The following BRK1 variants were observed in gnomAD, a reference collection of about 807,000 sequenced individuals.
BRK1 encodes the protein protein BRICK1.
In BRK1, 6 loss-of-function variants were observed where a neutral mutation model predicts 9.9. That is an observed-to-expected ratio of 0.60 (90% CI 0.33 to 1.19). BRK1 has a LOEUF of 1.19. Ranked by LOEUF, BRK1 falls within the 50% of genes most tolerant of loss-of-function variation. BRK1 has a pLI of 0.04. For synonymous variants in BRK1, 44 were observed against 31.9 expected (o/e 1.38, Z -1.28); for missense variants, 62 against 97.5 (o/e 0.64, Z 1.53).
intron 1 of BRK1, among the ~76,000 whole-genome samples, chr3:10,123,723 G>A (rs1437696414): frequency 3.6e-5 from 4 of 110,142 alleles, no homozygotes; most frequent in East Asian, 2.4e-4. Context: ...CTGAGCCACC[G>A]TGCCTGGCCT....
At chr3:10,117,392 T>C (rs1411296567) in intron 1 of BRK1, among the ~76,000 whole-genome samples, 1 of 143,708 alleles carries the variant, frequency 7.0e-6, no homozygotes, top group Non-Finnish European at 1.5e-5. Context: ...TTCAACAAAT[T>C]CTTTTTTTTT....
At chr3:10,124,053 G>A (rs922087460) in intron 1 of BRK1, among the ~76,000 whole-genome samples, 3 of 151,792 alleles carry the variant, frequency 2.0e-5, no homozygotes, top group Non-Finnish European at 4.4e-5. Context: ...TTCCTGTTGA[G>A]ATTATTTTCT....
chr3:10,116,064 C>T (rs1190716846), intron 1 of BRK1, among the ~76,000 whole-genome samples: 1 of 152,130 alleles, frequency 6.6e-6, no homozygotes, highest in Non-Finnish European at 1.5e-5. Context: ...ATCCATTCTA[C>T]AAGTCCTTCT....
At chr3:10,121,823 C>T (rs903173962) in intron 1 of BRK1, among the ~76,000 whole-genome samples, 1 of 151,160 alleles carries the variant, frequency 6.6e-6, no homozygotes, top group African/African-American at 2.4e-5. Flanking sequence ...TCAGGTGATC[C>T]ACCCACCTCG....
chr3:10,119,115 G>T (rs918073067), intron 1 of BRK1, among the ~76,000 whole-genome samples: 3 of 145,332 alleles, frequency 2.1e-5, no homozygotes, highest in African/African-American at 7.8e-5. Context: ...CTGCACTCCT[G>T]CCTGGGCGAA....
rs148406892 is a variant in BRK1 at position 10,125,987 on chromosome 3, A to G, written c.201+279A>G. ...ACACCTGTTGTCCCAGCTACTCGGG[A>G]GGCTGAGGCAGGAGAATTACTTGAA... On this transcript the variant is annotated intron_variant, in intron 2 of 2. Transcript: ENST00000530758. 0.026 allele frequency among the ~76,000 whole-genome samples: 3,991 copies of G among 152,186 alleles called. 170 individuals are homozygous for G. Among genetic ancestry groups the G allele is most frequent in the African/African-American group, 0.09 (3,728 of 41,516 alleles).
intron 1 of BRK1, among the ~76,000 whole-genome samples, chr3:10,116,720 G>A (rs1695691658): frequency 6.6e-6 from 1 of 152,320 alleles, no homozygotes; most frequent in South Asian, 2.1e-4. Flanking sequence ...CTAAAGGACT[G>A]ATGGCCTTAG....
At chr3:10,117,749 G>T (rs1004458513) in intron 1 of BRK1, among the ~76,000 whole-genome samples, 1 of 152,082 alleles carries the variant, frequency 6.6e-6, no homozygotes, top group African/African-American at 2.4e-5. Flanking sequence ...GTCTTTTGGA[G>T]CCAAAAGAAA....
At chr3:10,121,377 G>A (rs1695753267) in intron 1 of BRK1, among the ~76,000 whole-genome samples, 1 of 152,182 alleles carries the variant, frequency 6.6e-6, no homozygotes, top group Non-Finnish European at 1.5e-5. Flanking sequence ...TAGCCCCGGA[G>A]GCACAGAAAG....
At chr3:10,118,786 C>G (rs955661725) in intron 1 of BRK1, among the ~76,000 whole-genome samples, 3 of 152,056 alleles carry the variant, frequency 2.0e-5, no homozygotes, top group Non-Finnish European at 4.4e-5. Context: ...CTGTGCCTGG[C>G]CATAAGTGGA....
intron 1 of BRK1, among the ~76,000 whole-genome samples, chr3:10,123,259 C>T (rs1174874480): frequency 6.6e-6 from 1 of 152,116 alleles, no homozygotes; most frequent in Non-Finnish European, 1.5e-5. Flanking sequence ...ATAATTTTGG[C>T]TGTTTTCACA....
intron 1 of BRK1, among the ~76,000 whole-genome samples, chr3:10,125,092 T>A (rs1695818785): frequency 6.6e-6 from 1 of 152,048 alleles, no homozygotes; most frequent in Non-Finnish European, 1.5e-5. Context: ...ATTCACAGGA[T>A]CCAGGGATTA....
intron 1 of BRK1, among the ~76,000 whole-genome samples, chr3:10,123,453 T>TTTTTTTTTA (rs1210531425): frequency 1.3e-5 from 2 of 151,124 alleles, no homozygotes; most frequent in South Asian, 2.1e-4. Context: ...TTTTTTTTTT[T>TTTTTTTTTA]GAGACGGAGT....
chr3:10,123,625 G>A (rs697816), intron 1 of BRK1, among the ~76,000 whole-genome samples: 8 of 144,412 alleles, frequency 5.5e-5, no homozygotes, highest in African/African-American at 1.0e-4. Flanking sequence ...TAATAGAGAC[G>A]GGGTTTCATT....
intron 1 of BRK1, among the ~76,000 whole-genome samples, chr3:10,116,388 A>G (rs1247844712): frequency 6.6e-6 from 1 of 151,454 alleles, no homozygotes; most frequent in Non-Finnish European, 1.5e-5. Context: ...AGGATCTTGT[A>G]GGACCTTGGA....
rs886586487 is a variant in BRK1, at chr3:10,115,952, C to T, written c.118+133C>T. 36 of 693,326 alleles carry T rather than the reference C, an allele frequency of 5.2e-5. No individual in the cohort carries two copies. The African/African-American group carries it at 5.4e-4, about 10-fold the overall frequency. The allele number at this position is 693,326 out of a possible 1,614,324, so 42.9% of individuals were successfully genotyped here. On this transcript the variant is annotated intron_variant, in intron 1 of 2. Coordinates refer to ENST00000530758, the MANE Select transcript of BRK1 (RefSeq NM_018462.5). ...CGGGTTTTCACTTCCTCCTTCAGGT[C>T]CCACCTTCTCCCTCCCGCCCTGACC...
intron 1 of BRK1, among the ~76,000 whole-genome samples, chr3:10,121,916 G>A (rs1258745048): frequency 7.9e-6 from 1 of 126,868 alleles, no homozygotes; most frequent in Non-Finnish European, 1.6e-5. Flanking sequence ...TTGAGATGGA[G>A]TCTCGCTCTG....
rs774629224 is a variant in BRK1 at position 10,117,072 on chromosome 3, ATC to A, written c.118+1257_118+1258del. ...AGCCTGAGCAACATGACCAGATCCT[ATC>A]TCTACAAAACAACGACAACAAAAAA... On this transcript the variant is annotated intron_variant, in intron 1 of 2. Transcript: ENST00000530758. Among the ~76,000 whole-genome samples the A allele has an allele frequency of 2.7e-4, 41 of 152,132 alleles. 1 individual carries two copies. Among genetic ancestry groups the A allele is most frequent in the South Asian group, 6.2e-4 (3 of 4,824 alleles).
Position 10,119,439 on chromosome 3 carries a change from CAG to C in BRK1, c.118+3623_118+3624del, listed in dbSNP as rs1181297705. 3.3e-5 allele frequency among the ~76,000 whole-genome samples: 5 copies of C among 152,244 alleles called. No individual in the cohort carries two copies. The South Asian group carries it at 1.0e-3, about 32-fold the overall frequency. ...TGCCACTGTACTCCAGCCTGGGTGA[CAG>C]AGTGAGACTCTCTCTCAAAGAAAAA... On this transcript the variant is annotated intron_variant, in intron 1 of 2. Transcript: ENST00000530758.
Sources: allele counts gnomAD v4.1 joint callset (sites outside exome capture counted in the v4.1 genomes callset), GRCh38; gene constraint gnomAD v4.1.1; transcripts MANE v1.5; gene names NCBI Gene and HGNC (gene_info 2026-07-23, HGNC 2026-07-21).